Variants in MACROD2 observed in about 807,000 individuals in gnomAD.
MACROD2 encodes mono-ADP ribosylhydrolase 2, also known as ADP-ribose glycohydrolase MACROD2.
A neutral mutation model predicts 70.4 loss-of-function variants in MACROD2; 36 were observed. The observed-to-expected ratio is 0.51, with a 90% confidence interval of 0.39 to 0.68. The LOEUF is 0.68. Ranked by LOEUF, MACROD2 falls within the 30% of genes least tolerant of loss-of-function variation. The pLI, the probability that MACROD2 is intolerant of heterozygous loss-of-function variation, is 0.00. For synonymous variants in MACROD2, 172 were observed against 178.8 expected (o/e 0.96, Z 0.30); for missense variants, 496 against 538.4 (o/e 0.92, Z 0.78).
chr20:15,423,227 G>A (rs2046253274), intron 6 of MACROD2, among the ~76,000 whole-genome samples: 1 of 152,180 alleles, frequency 6.6e-6, no homozygotes, highest in East Asian at 1.9e-4. Context: ...ATCTGAGACT[G>A]AGTTTACTAC....
At chr20:14,581,799 A>G (rs2123349061) in intron 4 of MACROD2, among the ~76,000 whole-genome samples, 1 of 152,250 alleles carries the variant, frequency 6.6e-6, no homozygotes, top group African/African-American at 2.4e-5. Context: ...CTGTACCTGA[A>G]ACTGTTTCTT....
chr20:16,043,081 A>G (rs1277356645), intron 16 of MACROD2, among the ~76,000 whole-genome samples: 1 of 152,076 alleles, frequency 6.6e-6, no homozygotes, highest in Non-Finnish European at 1.5e-5. Context: ...AAGGGTGGCC[A>G]TTATCACTTG....
chr20:15,496,971 A>G (rs1488278139), intron 7 of MACROD2, among the ~76,000 whole-genome samples: 9 of 152,174 alleles, frequency 5.9e-5, no homozygotes, highest in Admixed American at 2.6e-4. Flanking sequence ...CAGACCTTGA[A>G]TGAAATCAAT....
intron 6 of MACROD2, among the ~76,000 whole-genome samples, chr20:15,333,957 G>C (rs1421672836): frequency 6.6e-6 from 1 of 151,584 alleles, no homozygotes; most frequent in Non-Finnish European, 1.5e-5. Flanking sequence ...TTTCCAAGTA[G>C]AGCAATGTTA....
At chr20:14,974,642 T>TACTC (rs2074721973) in intron 5 of MACROD2, among the ~76,000 whole-genome samples, 1 of 151,774 alleles carries the variant, frequency 6.6e-6, no homozygotes, top group Non-Finnish European at 1.5e-5. Context: ...TTGCAGGAAG[T>TACTC]GACCTCTAGT....
chr20:14,420,144 T>TTTTATA (rs1555789920), intron 3 of MACROD2, among the ~76,000 whole-genome samples: 8 of 148,222 alleles, frequency 5.4e-5, no homozygotes, highest in Non-Finnish European at 1.2e-4. Context: ...TCTGTCCTAA[T>TTTTATA]TATATATATA....
At chr20:15,417,694 G>T (rs758664421) in intron 6 of MACROD2, among the ~76,000 whole-genome samples, 12 of 151,764 alleles carry the variant, frequency 7.9e-5, no homozygotes, top group African/African-American at 2.2e-4. Context: ...CTAGGAGGTT[G>T]TTCGAAATGC....
intron 3 of MACROD2, among the ~76,000 whole-genome samples, chr20:14,343,669 A>G (rs2083037681): frequency 6.6e-6 from 1 of 152,238 alleles, no homozygotes; most frequent in African/African-American, 2.4e-5. Flanking sequence ...CTTTGAGATA[A>G]CAGTATCTAA....
At chr20:14,746,450 A>G (rs568121232) in intron 5 of MACROD2, among the ~76,000 whole-genome samples, 3 of 152,320 alleles carry the variant, frequency 2.0e-5, no homozygotes, top group Admixed American at 6.5e-5. Context: ...AGTAAATCTT[A>G]TACTATCTAA....
intron 7 of MACROD2, among the ~76,000 whole-genome samples, chr20:15,436,597 C>T (rs1320422781): frequency 6.6e-6 from 1 of 152,060 alleles, no homozygotes; most frequent in Non-Finnish European, 1.5e-5. Flanking sequence ...TTCATATGTC[C>T]CTGGTGAAGT....
chr20:14,715,034 A>G (rs139728384), intron 5 of MACROD2, among the ~76,000 whole-genome samples: 64 of 152,330 alleles, frequency 4.2e-4, no homozygotes, highest in Middle Eastern at 3.4e-3. Flanking sequence ...TAATAAAGAC[A>G]TACCTGAGAC....
rs551378449 is a variant in MACROD2 at position 14,120,917 on chromosome 20, G to T, written c.271+35189G>T. 4.4e-4 allele frequency among the ~76,000 whole-genome samples: 67 copies of T among 151,168 alleles called. 1 individual carries two copies. The highest frequency in any genetic ancestry group is 2.1e-3 in the South Asian group (10 of 4,706). On this transcript the variant is annotated intron_variant, in intron 3 of 17. Transcript: ENST00000684519. ...CACCAGGGCCTGTTATGGGTGGGGG[G>T]TGAGGGGAGGGAACTTAGAGGATGG...
At chr20:14,380,114 C>G (rs2083407786) in intron 3 of MACROD2, among the ~76,000 whole-genome samples, 1 of 152,216 alleles carries the variant, frequency 6.6e-6, no homozygotes, top group African/African-American at 2.4e-5. Flanking sequence ...TTCACCAACA[C>G]TTTTCTTCTG....
chr20:15,264,572 G>A (rs574700026), intron 6 of MACROD2, among the ~76,000 whole-genome samples: 7 of 152,166 alleles, frequency 4.6e-5, no homozygotes, highest in Non-Finnish European at 8.8e-5. Context: ...GAGGGTGGTG[G>A]CAACAAGCTA....
At chr20:15,827,934 G>A (rs1231154490) in intron 8 of MACROD2, among the ~76,000 whole-genome samples, 1 of 152,170 alleles carries the variant, frequency 6.6e-6, no homozygotes, top group Admixed American at 6.5e-5. Context: ...CAGCTGGATG[G>A]TCCAGCTCAC....
chr20:14,845,166 C>T (rs529538251), intron 5 of MACROD2, among the ~76,000 whole-genome samples: 4 of 152,160 alleles, frequency 2.6e-5, no homozygotes, highest in East Asian at 1.9e-4. Context: ...TTTATGATTT[C>T]TCGTATGTAA....
At chr20:15,074,073 G>C (rs1322105) in intron 5 of MACROD2, among the ~76,000 whole-genome samples, 70,932 of 152,016 alleles carry the variant, frequency 0.47, 17,991 homozygotes, top group East Asian at 0.69. Context: ...AAGTTTATTT[G>C]AATACTGTGA....
intron 5 of MACROD2, among the ~76,000 whole-genome samples, chr20:15,022,129 A>G (rs150415291): frequency 1.6e-4 from 24 of 152,268 alleles, no homozygotes; most frequent in African/African-American, 5.5e-4. Context: ...TTTGGTGTCT[A>G]TTTTATTTAT....
At chr20:15,881,146 T>A (rs1420316594) in intron 9 of MACROD2, among the ~76,000 whole-genome samples, 1 of 152,092 alleles carries the variant, frequency 6.6e-6, no homozygotes, top group East Asian at 1.9e-4. Context: ...GTTATTTGAC[T>A]AGCAAAAATA....
Sources: gnomAD v4.1 joint callset for allele counts (sites outside exome capture counted in the v4.1 genomes callset) on GRCh38, gnomAD v4.1.1 for gene constraint, MANE v1.5 for transcripts, NCBI Gene and HGNC (gene_info 2026-07-23, HGNC 2026-07-21) for gene names.